ASPG: variants seen among roughly 807,000 people sequenced by gnomAD.
The protein encoded by ASPG is 60 kDa lysophospholipase.
ASPG carries 53 observed loss-of-function variants against 63.2 expected under a neutral mutation model. The ratio of observed to expected loss-of-function variants is 0.84; its 90% CI spans 0.67 to 1.05. The LOEUF (loss-of-function observed/expected upper bound fraction) is 1.05. ASPG is among the 50% of genes least tolerant of loss of function. ASPG has a pLI of 0.00. For missense variants in ASPG, 741 were observed against 794.4 expected (o/e 0.93, Z 0.81); for synonymous variants, 370 against 355.0 (o/e 1.04, Z -0.48).
At chr14:104,106,970 G>A in intron 11 of ASPG, 76 bp downstream of exon 11, 1 of 1,435,994 alleles carries the variant, frequency 7.0e-7, no homozygotes, top group Non-Finnish European at 9.4e-7. Flanking sequence ...AGGCAGGACG[G>A]CCTTTCATCC....
chr14:104,098,992 G>A lies in ASPG; in HGVS notation c.640+13G>A, dbSNP rs2141012119. On this transcript the variant is annotated intron_variant, in intron 6 of 15. Coordinates refer to ENST00000551177, the MANE Select transcript of ASPG (RefSeq NM_001080464.3). Reference sequence around the variant, plus strand: ...GCTGACATCACAAGTAAGCCCCGCAGGAGCAGGGCCAGGTGCCTGCCCAGT... The same window carrying A: ...GCTGACATCACAAGTAAGCCCCGCAAGAGCAGGGCCAGGTGCCTGCCCAGT... 7 of 1,576,026 alleles carry A rather than the reference G, an allele frequency of 4.4e-6. No individual in the cohort carries two copies. Among genetic ancestry groups the A allele is most frequent in the Non-Finnish European group, 6.0e-6 (7 of 1,160,082 alleles).
At chr14:104,105,160 C>T (rs917110554) in intron 9 of ASPG, 168 bp from the exon 10 acceptor site, 209 of 1,046,172 alleles carry the variant, frequency 2.0e-4, no homozygotes, top group Non-Finnish European at 2.7e-4. Context: ...GTGGGGCTGG[C>T]CTTGGGAGGG....
At position 104,085,711 on chromosome 14, in the gene ASPG, C is replaced by A; in HGVS notation, c.-60C>A. 1 of 1,407,766 alleles carries A rather than the reference C, an allele frequency of 7.1e-7. No homozygotes were observed. Among genetic ancestry groups the A allele is most frequent in the Non-Finnish European group, 9.3e-7 (1 of 1,075,498 alleles). 87.2% of individuals were successfully genotyped at this position (1,407,766 alleles called of 1,614,324 possible). A position where few individuals can be genotyped will look rare whatever the true frequency, so the allele number is the denominator to read the frequency against. On this transcript the variant is annotated 5_prime_UTR_variant, in exon 1 of 16. Transcript: ENST00000551177. ...GGCCTCCTCCGCGCAGTCCCTGAGT[C>A]CCGCAGGCCCTGCGTCCCCGCTGCA... is the stretch of plus-strand genomic sequence containing the variant.
intron 6 of ASPG, among the ~76,000 whole-genome samples, chr14:104,102,387 G>A (rs532748814): frequency 3.2e-4 from 48 of 152,222 alleles, no homozygotes; most frequent in African/African-American, 1.1e-3. Context: ...GGAGACATGT[G>A]GGTGACATCT....
intron 9 of ASPG, 112 bp downstream of exon 9, chr14:104,104,847 G>T: frequency 1.1e-6 from 1 of 931,916 alleles, no homozygotes; most frequent in Non-Finnish European, 1.6e-6. Flanking sequence ...GGTCCAGGGT[G>T]TGTCCTGTTT....
Position 104,114,150 on chromosome 14 carries a change from G to A in ASPG, c.*1606G>A, listed in dbSNP as rs2037435184. On this transcript the variant is annotated 3_prime_UTR_variant, in exon 16 of 16. Transcript: ENST00000551177. ...CTCAGTGCTGCTCCGGGTTGTGAAA[G>A]CTGCAGGTGGCTCACGTTAGCCCAC... 1 of 152,320 alleles carries A rather than the reference G, an allele frequency of 6.6e-6. No homozygotes were observed. The highest frequency in any genetic ancestry group is 6.5e-5 in the Admixed American group (1 of 15,286). The allele number at this position is 152,320 out of a possible 1,614,324, so 9.4% of individuals were successfully genotyped here. A position where few individuals can be genotyped will look rare whatever the true frequency, so the allele number is the denominator to read the frequency against.
chr14:104,109,321 T>C lies in ASPG; in HGVS notation c.1520+6T>C. On this transcript the variant is annotated splice_donor_region_variant and intron_variant, in intron 13 of 15. Transcript: ENST00000551177. This position sits in a 1 kb window ranked among gnomAD's most constrained non-coding sequence, Gnocchi z 4.8. ...GCAGGGACGGAGCTGTGCAGGTGAG[T>C]GCAGCTAGAGCACCTGCTCTTCCAG... 6.2e-7 allele frequency: 1 copy of C among 1,604,642 alleles called. No individual in the cohort carries two copies. The highest frequency in any genetic ancestry group is 2.2e-5 in the East Asian group (1 of 44,628).
chr14:104,106,724 C>A, intron 10 of ASPG, 75 bp from the exon 11 acceptor site: 2 of 1,339,226 alleles, frequency 1.5e-6, no homozygotes, highest in Non-Finnish European at 2.1e-6. Context: ...AGGGGTCATA[C>A]AGCACCGGGG....
At chr14:104,095,781 C>A in intron 4 of ASPG, 125 bp downstream of exon 4, 1 of 1,304,066 alleles carries the variant, frequency 7.7e-7, no homozygotes, top group Non-Finnish European at 1.1e-6. Context: ...CCTGAGGTGG[C>A]TGCTGCAGGG....
chr14:104,107,712 G>A (rs2037199136), intron 12 of ASPG, among the ~76,000 whole-genome samples: 1 of 152,212 alleles, frequency 6.6e-6, no homozygotes, highest in South Asian at 2.1e-4. Context: ...GACAGGCCCA[G>A]CCTGTGCGTG....
At chr14:104,095,812 T>G (rs2036572450) in intron 4 of ASPG, among the ~76,000 whole-genome samples, 156 bp downstream of exon 4, 1 of 152,034 alleles carries the variant, frequency 6.6e-6, no homozygotes, top group African/African-American at 2.4e-5. Flanking sequence ...GGCTCGCAAA[T>G]GCTCAGGTCC....
chr14:104,111,298 C>T (rs777297508), intron 13 of ASPG: 28 of 758,602 alleles, frequency 3.7e-5, no homozygotes, highest in Middle Eastern at 6.7e-4. Flanking sequence ...CGACTTGAGT[C>T]GCAGTCCCAC....
chr14:104,107,227 C>G lies in ASPG; in HGVS notation c.1315C>G (p.His439Asp). Reference sequence around the variant, plus strand: ...GGACTTTAACGGCCAAACCCCACTGCACGCGGCCGCCCGGGGAGGCCACAC... The same window carrying G: ...GGACTTTAACGGCCAAACCCCACTGGACGCGGCCGCCCGGGGAGGCCACAC... ...LVDFNGQTPLHAAARGGHTEA... is the reference protein window; with the variant it reads ...LVDFNGQTPLDAAARGGHTEA... The change falls in exon 12 of 16, where the codon CAC (histidine) becomes GAC (aspartate). Residue 439 changes from histidine to aspartate, a missense_variant. Transcript: ENST00000551177. The G allele has an allele frequency of 6.2e-7, 1 of 1,603,888 alleles. No individual in the cohort carries two copies. Among genetic ancestry groups the G allele is most frequent in the South Asian group, 1.1e-5 (1 of 89,948 alleles).
chr14:104,086,353 C>T (rs879420455), intron 1 of ASPG, among the ~76,000 whole-genome samples: 3 of 152,164 alleles, frequency 2.0e-5, no homozygotes, highest in Non-Finnish European at 4.4e-5. Context: ...CTGGCATCTG[C>T]GGGGACGCAC....
chr14:104,108,296 G>A, intron 12 of ASPG: 1 of 543,850 alleles, frequency 1.8e-6, no homozygotes, highest in Non-Finnish European at 2.3e-6. Flanking sequence ...GGGCTGGGGT[G>A]ATCCGGACTG....
intron 7 of ASPG, 54 bp downstream of exon 7, chr14:104,103,729 C>T (rs1374831710): frequency 8.2e-6 from 12 of 1,468,596 alleles, no homozygotes; most frequent in African/African-American, 1.4e-5. Flanking sequence ...CAGCCCTCTG[C>T]AGCTCCCACG....
intron 12 of ASPG, chr14:104,108,791 C>T (rs1350196883): frequency 2.0e-6 from 2 of 985,288 alleles, no homozygotes; most frequent in Non-Finnish European, 2.4e-6. Flanking sequence ...CTGAGGAGGT[C>T]ACCACGGGGT....
rs2036206740 is a variant in ASPG at position 104,085,841 on chromosome 14, G to A, written c.71G>A (p.Ser24Asn). The change falls in exon 1 of 16, where the codon AGT (serine) becomes AAT (asparagine). Residue 24 changes from serine to asparagine, a missense_variant. Physicochemically the swap from Ser to Asn is conservative, Grantham distance 46. Transcript: ENST00000551177. ...VYTGGTIGMR[S>N]ELGVLVPGTG... The stretch of plus-strand genomic sequence containing the variant: ...ACCGGCGGCACCATTGGCATGCGGA[G>A]TGAGCTCGGCGGTGAGTCCGAGACC... The A allele has an allele frequency of 6.3e-7, 1 of 1,588,802 alleles. No individual in the cohort carries two copies. Among genetic ancestry groups the A allele is most frequent in the Non-Finnish European group, 8.5e-7 (1 of 1,173,652 alleles).
chr14:104,097,854 A>ATGGAGGTTCTGCGTTAGAGATACG (rs1566830008), intron 5 of ASPG, among the ~76,000 whole-genome samples: 13 of 48,730 alleles, frequency 2.7e-4, no homozygotes, highest in Non-Finnish European at 5.4e-4. Flanking sequence ...TTAGAGATGC[A>ATGGAGGTTCTGCGTTAGAGATACG]TATGGAGGTT....
Sources: allele counts gnomAD v4.1 joint callset (sites outside exome capture counted in the v4.1 genomes callset), GRCh38; gene constraint gnomAD v4.1.1; non-coding constraint Gnocchi (gnomAD v3.1); transcripts MANE v1.5; gene names NCBI Gene and HGNC (gene_info 2026-07-23, HGNC 2026-07-21).